The following MED12L variants were observed in gnomAD, a reference collection of about 807,000 sequenced individuals.
MED12L encodes the protein mediator complex subunit 12L, also known as mediator of RNA polymerase II transcription subunit 12-like protein.
Under a neutral mutation model 281.3 loss-of-function variants are expected in MED12L, and 60 were observed. The ratio of observed to expected loss-of-function variants is 0.21; its 90% CI spans 0.17 to 0.26. The LOEUF is 0.26. Ranked by LOEUF, MED12L falls within the 10% of genes least tolerant of loss-of-function variation. The pLI, the probability that MED12L is intolerant of heterozygous loss-of-function variation, is 1.00. For missense variants in MED12L, 2,146 were observed against 2,680.9 expected (o/e 0.80, Z 4.41); for synonymous variants, 974 against 987.2 (o/e 0.99, Z 0.25).
chr3:151,341,231 G>A (rs1751779292), intron 16 of MED12L, among the ~76,000 whole-genome samples: 1 of 152,028 alleles, frequency 6.6e-6, no homozygotes, highest in Non-Finnish European at 1.5e-5. Context: ...GGTTAATAAT[G>A]TCATTATTTT....
At chr3:151,086,687 C>T (rs1719259086) in intron 1 of MED12L, 111 bp from the exon 2 acceptor site, 3 of 368,214 alleles carry the variant, frequency 8.1e-6, no homozygotes, top group Admixed American at 9.1e-5. Context: ...CGGAGCGGTG[C>T]GTCCCGGGGC....
At chr3:151,399,186 G>A (rs1204632384) in intron 39 of MED12L, among the ~76,000 whole-genome samples, 1 of 152,142 alleles carries the variant, frequency 6.6e-6, no homozygotes. Flanking sequence ...TTACTTTATA[G>A]GGTAGTTGTG....
chr3:151,348,001 T>C lies in MED12L; in HGVS notation c.2251-2058T>C, dbSNP rs1253616190. Among the ~76,000 whole-genome samples the C allele has an allele frequency of 4.6e-5, 7 of 152,284 alleles. No individual in the cohort carries two copies. In the East Asian group the frequency reaches 1.2e-3, roughly 25 times the overall value. ...GAGGAGCACGTGGCTCTTTCTAGGA[T>C]GCTTTCCTTCACCACCCCTCTTTGG... On this transcript the variant is annotated intron_variant, in intron 16 of 44. Transcript: ENST00000687756.
chr3:151,321,248 AAAG>A (rs774884136), intron 16 of MED12L, among the ~76,000 whole-genome samples: 2 of 152,190 alleles, frequency 1.3e-5, no homozygotes, highest in Non-Finnish European at 2.9e-5. Context: ...TTTCTCCTGT[AAAG>A]AAGGAAGTTT....
At chr3:151,262,025 C>G (rs1244120039) in intron 16 of MED12L, among the ~76,000 whole-genome samples, 2 of 152,168 alleles carry the variant, frequency 1.3e-5, no homozygotes, top group Admixed American at 1.3e-4. Context: ...CTGCACTCAG[C>G]TGAAGGGGTA....
chr3:151,116,404 C>T lies in MED12L; in HGVS notation c.166C>T (p.His56Tyr). Residue 56 changes from histidine (H) to tyrosine (Y), a missense_variant, in exon 3 of 45, where the codon CAT becomes TAT. By Grantham distance (83) the His-to-Tyr change is moderately conservative (BLOSUM62 2). Transcript: ENST00000687756. ...NNQPAFTGDEHGSARNIVINP... is the reference protein window; with the variant it reads ...NNQPAFTGDEYGSARNIVINP... ...TCAGCCAGCCTTCACTGGAGATGAA[C>T]ATGGCTCAGCCAGAAATATTGTAAT... 1 of 1,613,268 alleles carries T rather than the reference C, an allele frequency of 6.2e-7. No homozygotes were observed.
intron 16 of MED12L, among the ~76,000 whole-genome samples, chr3:151,221,391 A>T (rs1198955407): frequency 6.6e-6 from 1 of 152,196 alleles, no homozygotes; most frequent in Non-Finnish European, 1.5e-5. Flanking sequence ...TCACCAAGAA[A>T]ATGGGGAAAA....
intron 35 of MED12L, 50 bp downstream of exon 35, chr3:151,384,268 A>C (rs1258035849): frequency 1.3e-6 from 2 of 1,517,906 alleles, no homozygotes; most frequent in East Asian, 2.3e-5. Flanking sequence ...TTATGGATTT[A>C]TTATCTAGTG....
At chr3:151,159,142 A>G (rs891041854) in intron 7 of MED12L, among the ~76,000 whole-genome samples, 2 of 152,234 alleles carry the variant, frequency 1.3e-5, no homozygotes, top group Admixed American at 1.3e-4. Context: ...ATCCCTTTTG[A>G]AGATAGGGGA....
intron 16 of MED12L, among the ~76,000 whole-genome samples, chr3:151,280,877 A>G (rs1742692160): frequency 6.6e-6 from 1 of 151,836 alleles, no homozygotes; most frequent in African/African-American, 2.4e-5. Flanking sequence ...ACAAGTAAGA[A>G]AATAGAGCCT....
intron 39 of MED12L, among the ~76,000 whole-genome samples, chr3:151,401,601 T>C (rs1252432324): frequency 6.6e-6 from 1 of 152,218 alleles, no homozygotes; most frequent in East Asian, 1.9e-4. Context: ...TTCCCTTTTG[T>C]AAATTTCCTG....
intron 2 of MED12L, among the ~76,000 whole-genome samples, chr3:151,091,859 A>G (rs544745784): frequency 1.4e-4 from 22 of 152,254 alleles, no homozygotes; most frequent in African/African-American, 5.1e-4. Context: ...AGCTTCCTCA[A>G]CCATGGAATG....
rs1172007791 is a variant in MED12L, at chr3:151,106,308, TCTCCCCTCCC to T, written c.100-10002_100-9993del. 2.9e-4 allele frequency among the ~76,000 whole-genome samples: 22 copies of T among 75,970 alleles called. No homozygotes were observed. The East Asian group carries it at 3.4e-3, about 12-fold the overall frequency. 49.8% of individuals were successfully genotyped at this position (75,970 alleles called of 152,430 possible). On this transcript the variant is annotated intron_variant, in intron 2 of 44. Transcript: ENST00000687756. Reference sequence around the variant, plus strand: ...TTTTCCTTTTCCTTTTCCTTTTCCTTCTCCCCTCCCCTCCCCTCCCCTCCCCTCCCCTCCC... The same window carrying T: ...TTTTCCTTTTCCTTTTCCTTTTCCTTCTCCCCTCCCCTCCCCTCCCCTCCC...
At chr3:151,182,420 G>A (rs760400198) in intron 11 of MED12L, among the ~76,000 whole-genome samples, 3 of 152,130 alleles carry the variant, frequency 2.0e-5, no homozygotes, top group African/African-American at 4.8e-5. Flanking sequence ...TTATAAATAA[G>A]TGAAGAAAAC....
rs559739976 is a variant in MED12L, at chr3:151,128,091, C to T, written c.556+107C>T. ...CAGCATGGTGAGTGTTGAGAAGGTCCGTGGTGAGACTGATTTGCTCGGGTA... is the reference window on the plus strand; with the variant it reads ...CAGCATGGTGAGTGTTGAGAAGGTCTGTGGTGAGACTGATTTGCTCGGGTA... On this transcript the variant is annotated intron_variant, in intron 5 of 44. Transcript: ENST00000687756. The T allele has an allele frequency of 5.5e-5, 53 of 961,864 alleles. No homozygotes were observed. In the East Asian group the frequency reaches 7.5e-4, roughly 14 times the overall value. The allele number at this position is 961,864 out of a possible 1,614,324, so 59.6% of individuals were successfully genotyped here.
chr3:151,430,439 C>G (rs372523597), intron 44 of MED12L, 59 bp downstream of exon 44: 16 of 1,604,508 alleles, frequency 1.0e-5, no homozygotes, highest in East Asian at 2.2e-5. Flanking sequence ...AATAAGCCAG[C>G]GAAACGTAAA....
intron 5 of MED12L, among the ~76,000 whole-genome samples, chr3:151,141,691 A>C (rs555425647): frequency 6.6e-6 from 1 of 152,332 alleles, no homozygotes; most frequent in East Asian, 1.9e-4. Context: ...TTGGATCTTA[A>C]GTAGTTCTTG....
At chr3:151,163,402 T>TA (rs1720252706) in intron 8 of MED12L, among the ~76,000 whole-genome samples, 1 of 152,248 alleles carries the variant, frequency 6.6e-6, no homozygotes, top group East Asian at 1.9e-4. Context: ...TCAGGCTTCT[T>TA]ATAGAAAAAG....
At chr3:151,386,691 T>C (rs1713428821) in intron 36 of MED12L, among the ~76,000 whole-genome samples, 1 of 150,406 alleles carries the variant, frequency 6.6e-6, no homozygotes, top group African/African-American at 2.4e-5. Context: ...ATTCTCTGCC[T>C]CAGCCTCCTG....
Sources: allele counts gnomAD v4.1 joint callset (sites outside exome capture counted in the v4.1 genomes callset), GRCh38; gene constraint gnomAD v4.1.1; transcripts MANE v1.5; gene names NCBI Gene and HGNC (gene_info 2026-07-23, HGNC 2026-07-21).